Variants in RNF213 observed in about 807,000 individuals in gnomAD.
RNF213 encodes E3 ubiquitin-protein ligase RNF213.
Under a neutral mutation model 514.4 loss-of-function variants are expected in RNF213, and 341 were observed. The observed-to-expected ratio is 0.66, with a 90% confidence interval of 0.61 to 0.73. The LOEUF (loss-of-function observed/expected upper bound fraction) is 0.73. Ranked by LOEUF, RNF213 falls within the 30% of genes least tolerant of loss-of-function variation. The pLI is 0.00. For missense variants in RNF213, 5,767 were observed against 6,615.6 expected (o/e 0.87, Z 4.45); for synonymous variants, 2,655 against 2,658.2 (o/e 1.00, Z 0.04).
chr17:80,343,782 A>G lies in RNF213; in HGVS notation c.6184-75A>G. ...GGATCATCGTGACAAAGAGCAAAATAAGGAGGGGTTACTTAGAGTTGGGAG... is the reference window on the plus strand; with the variant it reads ...GGATCATCGTGACAAAGAGCAAAATGAGGAGGGGTTACTTAGAGTTGGGAG... On this transcript the variant is annotated intron_variant, in intron 27 of 67. Transcript: ENST00000582970. This position sits in a 1 kb window ranked among gnomAD's most constrained non-coding sequence, Gnocchi z 4.3. 2 of 1,485,474 alleles carry G rather than the reference A, an allele frequency of 1.3e-6. No homozygotes were observed. The highest frequency in any genetic ancestry group is 1.9e-6 in the Non-Finnish European group (2 of 1,064,164). 92.0% of individuals were successfully genotyped at this position (1,485,474 alleles called of 1,614,324 possible).
At chr17:80,355,629 G>A (rs1423523807) in intron 36 of RNF213, among the ~76,000 whole-genome samples, 2 of 48,972 alleles carry the variant, frequency 4.1e-5, no homozygotes, top group Non-Finnish European at 8.6e-5. Flanking sequence ...GGGAATGGGG[G>A]CTTACAGGGG....
rs749578607 is a variant in RNF213 at position 80,389,295 on chromosome 17, T to A, written c.15123T>A (p.Asp5041Glu). 4.3e-6 allele frequency: 7 copies of A among 1,614,054 alleles called. No homozygotes were observed. The African/African-American group carries it at 8.0e-5, about 18-fold the overall frequency. Residue 5041 changes from aspartate (D) to glutamate (E), a missense_variant, in exon 65 of 68, where the codon GAT becomes GAA. Asp to Glu is a conservative substitution (Grantham distance 45). Around this residue, in one of 13 missense-constraint regions of RNF213, gnomAD observed 1,245 missense variants for 1,339.0 expected, o/e 0.93. Coordinates refer to ENST00000582970, the MANE Select transcript of RNF213 (RefSeq NM_001256071.3). ...GGTTTCTGAGCACAGCTGGTGGGGA[T>A]CCAAACATGCAGCTGAATGTGTATA... Reference protein sequence around the residue: ...TLGFLSTAGGDPNMQLNVYTQ... With the variant: ...TLGFLSTAGGEPNMQLNVYTQ...
intron 3 of RNF213, among the ~76,000 whole-genome samples, chr17:80,274,324 G>C (rs1376377897): frequency 1.3e-5 from 2 of 151,564 alleles, no homozygotes; most frequent in African/African-American, 4.8e-5. Flanking sequence ...TTCCCAGTTG[G>C]AGCACTAGGC....
intron 41 of RNF213, among the ~76,000 whole-genome samples, chr17:80,364,100 G>C (rs947077973): frequency 6.6e-6 from 1 of 152,180 alleles, no homozygotes; most frequent in Non-Finnish European, 1.5e-5. Flanking sequence ...GGGCGGGCAG[G>C]TGCACAGAGC....
intron 15 of RNF213, chr17:80,315,829 ATGGTGATGGTGGTGGTGGT>A (rs2045919581): frequency 5.1e-5 from 1 of 19,540 alleles, no homozygotes; most frequent in Non-Finnish European, 1.2e-4. Flanking sequence ...GGTGGTGGTG[ATGGTGATGGTGGTGGTGGT>A]GGTGGTGGAG....
In RNF213 at chr17:80,319,322, C is replaced by T. The variant is rs1392905529; in HGVS notation, c.3024+10C>T. ...GAGCTCAGCCTGCCAGGTGAACAAT[C>T]TCTCCTCCTGGGAAACGGATTCGGG... is the stretch of plus-strand genomic sequence containing the variant. On this transcript the variant is annotated intron_variant, in intron 17 of 67. Coordinates refer to ENST00000582970, the MANE Select transcript of RNF213 (RefSeq NM_001256071.3). The T allele has an allele frequency of 6.2e-7, 1 of 1,614,078 alleles. No individual in the cohort carries two copies. Among genetic ancestry groups the T allele is most frequent in the Non-Finnish European group, 8.5e-7 (1 of 1,180,048 alleles).
At chr17:80,385,745 T>C (rs2080210831) in intron 61 of RNF213, 124 bp downstream of exon 61, 3 of 833,450 alleles carry the variant, frequency 3.6e-6, no homozygotes, top group Admixed American at 2.0e-5. Flanking sequence ...GTTTTTGAGA[T>C]GGAGTCTTGC....
rs1243535734 is a variant in RNF213 at position 80,336,810 on chromosome 17, A to G, written c.4527+432A>G. On this transcript the variant is annotated intron_variant, in intron 23 of 67. Transcript: ENST00000582970. Reference sequence around the variant, plus strand: ...TCCCAGCTACTCTGGAGGCTGAGACAGAATTGCTTGAACCCGGGAGGCAGA... The same window carrying G: ...TCCCAGCTACTCTGGAGGCTGAGACGGAATTGCTTGAACCCGGGAGGCAGA... 9.2e-6 allele frequency: 3 copies of G among 327,156 alleles called. No homozygotes were observed. The East Asian group carries it at 2.5e-4, about 27-fold the overall frequency. 20.3% of individuals were successfully genotyped at this position (327,156 alleles called of 1,614,324 possible).
intron 10 of RNF213, among the ~76,000 whole-genome samples, chr17:80,296,680 CATTT>C (rs2044961602): frequency 6.6e-6 from 1 of 152,104 alleles, no homozygotes; most frequent in African/African-American, 2.4e-5. Context: ...CAGTTTTACA[CATTT>C]ATTTATTTGT....
Position 80,295,588 on chromosome 17 carries a change from A to G in RNF213, c.1787A>G (p.Lys596Arg). ...VKRYLWQHLK[K>R]HVVPLPDGKS... is the part of the protein sequence containing the mutation. ...AGATACCTGTGGCAACATCTGAAAA[A>G]ACACGTGGTACCATTGCCGGACGGA... Residue 596 changes from lysine to arginine, a missense_variant, in exon 10 of 68, where the codon AAA (lysine) becomes AGA (arginine). By Grantham distance (26) the Lys-to-Arg change is conservative (BLOSUM62 2). This residue lies in a region of RNF213 where 592 missense variants were observed against 673.9 expected (regional missense o/e 0.88). Coordinates refer to ENST00000582970, the MANE Select transcript of RNF213 (RefSeq NM_001256071.3). 6.2e-7 allele frequency: 1 copy of G among 1,614,170 alleles called. No homozygotes were observed. The highest frequency in any genetic ancestry group is 1.1e-5 in the South Asian group (1 of 91,068).
At chr17:80,320,864 G>A (rs2046117567) in intron 17 of RNF213, 1 of 152,302 alleles carries the variant, frequency 6.6e-6, no homozygotes, top group African/African-American at 2.4e-5. Context: ...GGGCACACCT[G>A]TGGTCCCAGC....
Position 80,315,776 on chromosome 17 carries a change from T to TGGA in RNF213, c.2812-1410_2812-1409insAGG, listed in dbSNP as rs1242280106. 24 of 38,800 alleles carry TGGA rather than the reference T, an allele frequency of 6.2e-4. 11 individuals are homozygous for TGGA. Among genetic ancestry groups the TGGA allele is most frequent in the Non-Finnish European group, 1.2e-3 (20 of 17,288 alleles). The allele number at this position is 38,800 out of a possible 1,614,324, so 2.4% of individuals were successfully genotyped here. On this transcript the variant is annotated intron_variant, in intron 15 of 67. Transcript: ENST00000582970. Reference sequence around the variant, plus strand: ...GAGGTGACAGTGGTGATGCTGGTGGTGGTGGTGGTGGTGGTGGTGGTGGTG... The same window carrying TGGA: ...GAGGTGACAGTGGTGATGCTGGTGGTGGAGGTGGTGGTGGTGGTGGTGGTGGTG...
rs761479483 is a variant in RNF213, at chr17:80,289,804, A to T, written c.1079A>T (p.Asn360Ile). 1.2e-6 allele frequency: 2 copies of T among 1,612,528 alleles called. No individual in the cohort carries two copies. Among genetic ancestry groups the T allele is most frequent in the African/African-American group, 1.3e-5 (1 of 74,886 alleles). Residue 360 changes from asparagine (N) to isoleucine (I), a missense_variant, in exon 6 of 68, where the codon AAC becomes ATC. By Grantham distance (149) the Asn-to-Ile change is moderately radical. Coordinates refer to ENST00000582970, the MANE Select transcript of RNF213 (RefSeq NM_001256071.3). ...AAVKNEKEQK[N>I]QEADVQEVKA... is the part of the protein sequence containing the mutation. Reference sequence around the variant, plus strand: ...GTGAAAAACGAGAAGGAGCAAAAAAACCAGGAAGCAGATGTCCAGGAAGTG... The same window carrying T: ...GTGAAAAACGAGAAGGAGCAAAAAATCCAGGAAGCAGATGTCCAGGAAGTG...
At chr17:80,384,738 C>A (rs2080164869) in intron 59 of RNF213, 4 of 428,472 alleles carry the variant, frequency 9.3e-6, no homozygotes, top group African/African-American at 2.0e-5. Context: ...CCGTACCCAG[C>A]CAGTTACATG....
At chr17:80,277,013 C>T (rs2044084032) in intron 3 of RNF213, among the ~76,000 whole-genome samples, 1 of 151,306 alleles carries the variant, frequency 6.6e-6, no homozygotes, top group South Asian at 2.1e-4. Flanking sequence ...GCCGAGATCG[C>T]ACCACTGCAC....
At chr17:80,299,764 TC>T (rs1330825903) in intron 11 of RNF213, among the ~76,000 whole-genome samples, 2 of 152,136 alleles carry the variant, frequency 1.3e-5, no homozygotes, top group African/African-American at 4.8e-5. Flanking sequence ...CCTCTATGTG[TC>T]CCTGTGTTCT....
rs1420496987 is a variant in RNF213 at position 80,339,240 on chromosome 17, G to C, written c.4873G>C (p.Asp1625His). Residue 1625 changes from aspartate (D) to histidine (H), a missense_variant, in exon 26 of 68, where the codon GAC (aspartate) becomes CAC (histidine). Transcript: ENST00000582970. ...GCAGAGGCTCAGCCAGGCCTTCATC[G>C]ACCTGCACTCTGCTGGGAATATGCT... is the stretch of plus-strand genomic sequence containing the variant. The part of the protein sequence containing the change: ...SVQRLSQAFI[D>H]LHSAGNMLFR... The C allele has an allele frequency of 6.6e-7, 1 of 1,510,244 alleles. No homozygotes were observed. The allele number at this position is 1,510,244 out of a possible 1,614,324, so 93.6% of individuals were successfully genotyped here.
intron 54 of RNF213, among the ~76,000 whole-genome samples, chr17:80,378,447 T>C (rs1194450878): frequency 6.6e-6 from 1 of 152,154 alleles, no homozygotes; most frequent in Non-Finnish European, 1.5e-5. Flanking sequence ...ACGTGGTAGT[T>C]AGTTATTAGT....
intron 3 of RNF213, among the ~76,000 whole-genome samples, chr17:80,287,096 C>T (rs368662867): frequency 1.3e-5 from 2 of 152,292 alleles, no homozygotes; most frequent in Middle Eastern, 3.4e-3. Context: ...CACGGTGGCT[C>T]ACGCGTGTAA....
Sources: gnomAD v4.1 joint callset for allele counts (sites outside exome capture counted in the v4.1 genomes callset) on GRCh38, gnomAD v4.1.1 for gene constraint, gnomAD v4.1.1 regional missense constraint, Gnocchi (gnomAD v3.1) non-coding constraint, MANE v1.5 for transcripts, NCBI Gene and HGNC (gene_info 2026-07-23, HGNC 2026-07-21) for gene names.